The following TSACC variants were observed in gnomAD, a reference collection of about 807,000 sequenced individuals.
TSACC encodes the protein TSSK6-activating co-chaperone protein.
TSACC carries 3 observed loss-of-function variants against 6.9 expected under a neutral mutation model. The ratio of observed to expected loss-of-function variants is 0.43; its 90% CI spans 0.20 to 1.12. The LOEUF is 1.12. Ranked by LOEUF, TSACC falls within the 50% of genes most tolerant of loss-of-function variation. The pLI, the probability that TSACC is intolerant of heterozygous loss-of-function variation, is 0.28. For synonymous variants in TSACC, 54 were observed against 55.1 expected (o/e 0.98, Z 0.09); for missense variants, 137 against 143.9 (o/e 0.95, Z 0.24).
At chr1:156,337,597 T>C (rs1665471151), upstream of TSACC, 1 of 165,252 alleles carries the variant, frequency 6.1e-6, no homozygotes, top group African/African-American at 2.4e-5. Flanking sequence ...AAGAGACTGT[T>C]ACTGAAAATA....
intron 2 of TSACC, among the ~76,000 whole-genome samples, chr1:156,342,855 T>A (rs1461187207): frequency 2.6e-5 from 4 of 152,194 alleles, no homozygotes; most frequent in African/African-American, 9.6e-5. Flanking sequence ...AATGAATTGT[T>A]TTACCATCCT....
At chr1:156,339,503 T>C in intron 1 of TSACC, 131 bp from the exon 2 acceptor site, 1 of 459,990 alleles carries the variant, frequency 2.2e-6, no homozygotes, top group South Asian at 3.3e-5. Context: ...TACTATTTTG[T>C]CCAGAAAAAA....
chr1:156,338,231 G>A, upstream of TSACC: 1 of 1,556,092 alleles, frequency 6.4e-7, no homozygotes, highest in Non-Finnish European at 8.7e-7. Flanking sequence ...GGAACCGGCA[G>A]AACCTTCTGG....
Position 156,339,744 on chromosome 1 carries a change from C to G in TSACC, c.-14C>G. On this transcript the variant is annotated 5_prime_UTR_variant, in exon 2 of 4. Transcript: ENST00000368254. ...TATGATTCTTTCCCAGGCACCACACCTGTTGGTGTTCAGATGGAGCGGCAC... is the reference window on the plus strand; with the variant it reads ...TATGATTCTTTCCCAGGCACCACACGTGTTGGTGTTCAGATGGAGCGGCAC... 1 of 1,614,020 alleles carries G rather than the reference C, an allele frequency of 6.2e-7. No homozygotes were observed. Among genetic ancestry groups the G allele is most frequent in the Non-Finnish European group, 8.5e-7 (1 of 1,179,936 alleles).
chr1:156,340,615 C>G (rs1287284133), intron 2 of TSACC, among the ~76,000 whole-genome samples: 5 of 152,034 alleles, frequency 3.3e-5, no homozygotes, highest in Non-Finnish European at 5.9e-5. Context: ...GCGTGCACCC[C>G]CACGCCCAGC....
At chr1:156,341,661 A>C (rs1665890210) in intron 2 of TSACC, among the ~76,000 whole-genome samples, 1 of 152,166 alleles carries the variant, frequency 6.6e-6, no homozygotes, top group African/African-American at 2.4e-5. Flanking sequence ...TTTAGTATAG[A>C]GTGTGTGTAA....
upstream of TSACC, chr1:156,337,697 C>T: frequency 5.7e-6 from 1 of 174,270 alleles, no homozygotes; most frequent in Non-Finnish European, 1.2e-5. Context: ...TCTCACAATT[C>T]TACTAGGAAA....
At chr1:156,346,307 G>A (rs1241064179) in intron 3 of TSACC, among the ~76,000 whole-genome samples, 1 of 152,056 alleles carries the variant, frequency 6.6e-6, no homozygotes, top group Non-Finnish European at 1.5e-5. Flanking sequence ...AAGTAACAGA[G>A]GAGGCTGAGG....
At chr1:156,342,459 C>T (rs1451289001) in intron 2 of TSACC, among the ~76,000 whole-genome samples, 1 of 152,242 alleles carries the variant, frequency 6.6e-6, no homozygotes, top group Non-Finnish European at 1.5e-5. Flanking sequence ...CCCTGGCACC[C>T]ACATATAAGC....
intron 2 of TSACC, among the ~76,000 whole-genome samples, chr1:156,340,160 A>G (rs1186581829): frequency 1.3e-5 from 2 of 152,032 alleles, no homozygotes; most frequent in African/African-American, 4.8e-5. Flanking sequence ...TAGCCTGGAC[A>G]TAATTTTTTT....
upstream of TSACC, chr1:156,337,878 G>A (rs1480635768): frequency 1.9e-6 from 1 of 522,346 alleles, no homozygotes; most frequent in African/African-American, 1.9e-5. Context: ...GAAGCGTGGG[G>A]GCTGAGGGAC....
upstream of TSACC, chr1:156,338,098 G>A: frequency 1.3e-6 from 2 of 1,555,200 alleles, no homozygotes; most frequent in Admixed American, 2.0e-5. Flanking sequence ...ACACTGAAAA[G>A]TATGGACAGA....
chr1:156,342,196 T>C (rs977666924), intron 2 of TSACC, among the ~76,000 whole-genome samples: 1 of 152,198 alleles, frequency 6.6e-6, no homozygotes, highest in Non-Finnish European at 1.5e-5. Flanking sequence ...AGAAGAATCT[T>C]GAGACCTGAG....
At position 156,338,588 on chromosome 1, in the gene TSACC, T is replaced by C. The variant is rs1665584800; in HGVS notation, c.-142T>C. ...TAGGGTTGGGTGCTGGGGTTGCGGC[T>C]TTCGGTTAACACCGCAGGTGAGGTC... On this transcript the variant is annotated 5_prime_UTR_variant, in exon 1 of 4. Transcript: ENST00000368254. 1 of 279,638 alleles carries C rather than the reference T, an allele frequency of 3.6e-6. No individual in the cohort carries two copies. Among genetic ancestry groups the C allele is most frequent in the Non-Finnish European group, 6.9e-6 (1 of 144,370 alleles). The allele number at this position is 279,638 out of a possible 1,614,324, so 17.3% of individuals were successfully genotyped here. A position where few individuals can be genotyped will look rare whatever the true frequency, so the allele number is the denominator to read the frequency against.
chr1:156,337,648 G>A (rs1180491859), upstream of TSACC: 1 of 167,606 alleles, frequency 6.0e-6, no homozygotes, highest in Non-Finnish European at 1.3e-5. Flanking sequence ...CTATTTACCA[G>A]ACCCTCTTTA....
chr1:156,342,962 C>T (rs972599116), intron 2 of TSACC, among the ~76,000 whole-genome samples: 1 of 152,222 alleles, frequency 6.6e-6, no homozygotes, highest in African/African-American at 2.4e-5. Flanking sequence ...CATCCATTGC[C>T]CTTGTCTACT....
intron 2 of TSACC, among the ~76,000 whole-genome samples, chr1:156,340,245 G>A (rs1416804894): frequency 2.6e-5 from 4 of 152,240 alleles, no homozygotes; most frequent in South Asian, 2.1e-4. Context: ...TGCAAGCTCC[G>A]TCTCCTGGGT....
In TSACC at chr1:156,339,753, T is replaced by C; in HGVS notation, c.-5T>C. The C allele has an allele frequency of 6.2e-7, 1 of 1,614,116 alleles. No homozygotes were observed. The highest frequency in any genetic ancestry group is 8.5e-7 in the Non-Finnish European group (1 of 1,179,992). On this transcript the variant is annotated 5_prime_UTR_variant, in exon 2 of 4. Coordinates refer to ENST00000368254, the MANE Select transcript of TSACC (RefSeq NM_001304817.2). ...TTCCCAGGCACCACACCTGTTGGTGTTCAGATGGAGCGGCACACTAGTCAT... is the reference window on the plus strand; with the variant it reads ...TTCCCAGGCACCACACCTGTTGGTGCTCAGATGGAGCGGCACACTAGTCAT...
intron 1 of TSACC, 25 bp downstream of exon 1, chr1:156,338,630 C>T (rs1665588713): frequency 5.2e-6 from 1 of 192,340 alleles, no homozygotes; most frequent in East Asian, 1.4e-4. Flanking sequence ...CTGTGTATTG[C>T]GACTCGGCTC....
Sources: gnomAD v4.1 joint callset for allele counts (sites outside exome capture counted in the v4.1 genomes callset) on GRCh38, gnomAD v4.1.1 for gene constraint, MANE v1.5 for transcripts, NCBI Gene and HGNC (gene_info 2026-07-23, HGNC 2026-07-21) for gene names.